The following BTG4 variants were observed in gnomAD, a reference collection of about 807,000 sequenced individuals.
BTG4 encodes the protein BTG anti-proliferation factor 4.
BTG4 carries 10 observed loss-of-function variants against 19.3 expected under a neutral mutation model. The ratio of observed to expected loss-of-function variants is 0.52; its 90% CI spans 0.32 to 0.88. The LOEUF is 0.88. Ranked by LOEUF, BTG4 falls within the 40% of genes least tolerant of loss-of-function variation. The pLI is 0.04. For synonymous variants in BTG4, 91 were observed against 95.7 expected (o/e 0.95, Z 0.29); for missense variants, 238 against 281.9 (o/e 0.84, Z 1.11).
the BTG4 span, among the ~76,000 whole-genome samples, chr11:111,447,674 G>A: frequency 2.5e-3 from 375 of 152,288 alleles, 2 homozygotes; most frequent in African/African-American, 8.5e-3. Flanking sequence ...GCATTCCTCC[G>A]GAGAGGAAGG....
At chr11:111,506,544 A>G (rs780584841) in intron 1 of BTG4, among the ~76,000 whole-genome samples, 1 of 152,126 alleles carries the variant, frequency 6.6e-6, no homozygotes, top group African/African-American at 2.4e-5. Flanking sequence ...GGTGATAAGT[A>G]CAGCAGAAGC....
chr11:111,471,980 A>C (rs537426565), intron 5 of BTG4, among the ~76,000 whole-genome samples: 239 of 152,296 alleles, frequency 1.6e-3, no homozygotes, highest in African/African-American at 5.6e-3. Context: ...CATATCTAGA[A>C]TCCAACCACT....
the BTG4 span, among the ~76,000 whole-genome samples, chr11:111,436,842 T>C: frequency 2.0e-5 from 3 of 152,156 alleles, no homozygotes; most frequent in African/African-American, 7.2e-5. Context: ...CCGTTTGTTT[T>C]GCTGAGAGTT....
chr11:111,456,389 T>C, the BTG4 span: 139 of 401,990 alleles, frequency 3.5e-4, no homozygotes, highest in Non-Finnish European at 9.8e-5. This position sits in a 1 kb window ranked among gnomAD's most constrained non-coding sequence, Gnocchi z 4.2. Flanking sequence ...GAGCACAATG[T>C]CTGTGGAGGC....
the BTG4 span, among the ~76,000 whole-genome samples, chr11:111,452,020 C>T: frequency 6.6e-6 from 1 of 152,224 alleles, no homozygotes; most frequent in South Asian, 2.1e-4. Context: ...CAATCCTCCA[C>T]TTTGTCTCCC....
the BTG4 span, among the ~76,000 whole-genome samples, chr11:111,444,468 G>A: frequency 1.3e-5 from 2 of 152,100 alleles, no homozygotes; most frequent in African/African-American, 2.4e-5. Flanking sequence ...GTGGGGGGCT[G>A]GGAGGGAAGG....
the BTG4 span, among the ~76,000 whole-genome samples, chr11:111,426,856 C>G: frequency 6.6e-6 from 1 of 152,228 alleles, no homozygotes; most frequent in Admixed American, 6.5e-5. Context: ...CCGGAGTTTA[C>G]TCAAAGTGTA....
At chr11:111,453,881 T>C in the BTG4 span, among the ~76,000 whole-genome samples, 1 of 152,236 alleles carries the variant, frequency 6.6e-6, no homozygotes, top group East Asian at 1.9e-4. Context: ...AGGAGCAAGT[T>C]GCAGAAGGTA....
At chr11:111,508,389 A>C (rs1273051999) in intron 1 of BTG4, among the ~76,000 whole-genome samples, 1 of 150,284 alleles carries the variant, frequency 6.7e-6, no homozygotes, top group African/African-American at 2.4e-5. Context: ...GGTGAACTTC[A>C]CAGAAACGTA....
At position 111,481,677 on chromosome 11, in the gene BTG4, A is replaced by T. The variant is rs554255638; in HGVS notation, c.662+13486T>A. On this transcript the variant is annotated intron_variant, in intron 5 of 5. Transcript: ENST00000356018. ...GCAAAGCTGGTTCAGTATATTTTTT[A>T]AAAAAATCATAGTAATCCACATGTC... Among the ~76,000 whole-genome samples, 168 of 151,974 alleles carry T rather than the reference A, an allele frequency of 1.1e-3. 1 individual carries two copies. Among genetic ancestry groups the T allele is most frequent in the African/African-American group, 3.1e-3 (128 of 41,540 alleles).
the BTG4 span, among the ~76,000 whole-genome samples, chr11:111,388,204 A>G: frequency 6.6e-6 from 1 of 152,198 alleles, no homozygotes; most frequent in African/African-American, 2.4e-5. Flanking sequence ...TACATGGGAT[A>G]CTTACTATAA....
At chr11:111,484,861 C>T (rs1240519565) in intron 5 of BTG4, among the ~76,000 whole-genome samples, 4 of 152,056 alleles carry the variant, frequency 2.6e-5, no homozygotes, top group Non-Finnish European at 5.9e-5. Context: ...TTTTAAAACA[C>T]CCAACTACAT....
the BTG4 span, among the ~76,000 whole-genome samples, chr11:111,456,201 G>A: frequency 6.6e-6 from 1 of 152,184 alleles, no homozygotes; most frequent in African/African-American, 2.4e-5. The surrounding 1 kb of genome is among the most constrained non-coding windows in gnomAD (Gnocchi z 4.2). Context: ...GGTAAATGAT[G>A]AACCTGTCTT....
the BTG4 span, chr11:111,456,854 G>A: frequency 4.5e-6 from 1 of 222,864 alleles, no homozygotes; most frequent in Admixed American, 4.6e-5. This position sits in a 1 kb window ranked among gnomAD's most constrained non-coding sequence, Gnocchi z 4.2. Context: ...AGGACGCAGG[G>A]CTCTCTCCTT....
the BTG4 span, among the ~76,000 whole-genome samples, chr11:111,400,380 C>A: frequency 6.6e-6 from 1 of 152,192 alleles, no homozygotes; most frequent in Non-Finnish European, 1.5e-5. Context: ...ATAACAAGAA[C>A]TTTAGAACCC....
the BTG4 span, among the ~76,000 whole-genome samples, chr11:111,432,855 C>G: frequency 1.3e-5 from 2 of 150,082 alleles, no homozygotes; most frequent in African/African-American, 4.9e-5. Flanking sequence ...AGTAATATAT[C>G]TTTTTTTTTT....
At chr11:111,425,374 G>C in the BTG4 span, among the ~76,000 whole-genome samples, 1 of 152,056 alleles carries the variant, frequency 6.6e-6, no homozygotes, top group African/African-American at 2.4e-5. Context: ...TGGCCTCATG[G>C]AGCTCATAGT....
At chr11:111,403,034 C>T in the BTG4 span, among the ~76,000 whole-genome samples, 1 of 152,146 alleles carries the variant, frequency 6.6e-6, no homozygotes, top group South Asian at 2.1e-4. Context: ...CTTTAGCCTT[C>T]TGAATTACCA....
chr11:111,418,197 A>T, the BTG4 span: 3 of 152,250 alleles, frequency 2.0e-5, no homozygotes, highest in Admixed American at 6.5e-5. Context: ...ACCTTAAGCC[A>T]TCTGACTGCT....
Sources: allele counts gnomAD v4.1 joint callset (sites outside exome capture counted in the v4.1 genomes callset), GRCh38; gene constraint gnomAD v4.1.1; non-coding constraint Gnocchi (gnomAD v3.1); transcripts MANE v1.5; gene names NCBI Gene and HGNC (gene_info 2026-07-23, HGNC 2026-07-21).